Variants in PDE5A observed in about 807,000 individuals in gnomAD.
The protein encoded by PDE5A is phosphodiesterase 5A.
In PDE5A, 67 loss-of-function variants were observed where a neutral mutation model predicts 110.2. That is an observed-to-expected ratio of 0.61 (90% CI 0.50 to 0.75). PDE5A has a LOEUF of 0.75. Ranked by LOEUF, PDE5A falls within the 30% of genes least tolerant of loss-of-function variation. The probability of loss-of-function intolerance (pLI) is 0.00; values close to 1 mark genes in which losing one functional copy is unlikely to be tolerated. For missense variants in PDE5A, 862 were observed against 1,045.1 expected, an observed-to-expected ratio of 0.82 and a Z score of 2.42; for synonymous variants, 328 against 351.2, an observed-to-expected ratio of 0.93 and a Z score of 0.74.
intron 19 of PDE5A, 24 bp downstream of exon 19, chr4:119,502,557 C>T (rs1462565849): frequency 8.7e-6 from 12 of 1,384,894 alleles, no homozygotes; most frequent in African/African-American, 1.4e-5. Flanking sequence ...TGAATAATTC[C>T]TACCAACAAG....
At chr4:119,548,109 C>T (rs1188982666) in intron 9 of PDE5A, 2 of 129,698 alleles carry the variant, frequency 1.5e-5, no homozygotes, top group Non-Finnish European at 3.1e-5. Context: ...ATTGCAGTGG[C>T]ACAATCTTGG....
chr4:119,500,438 G>C (rs534743772), intron 20 of PDE5A, among the ~76,000 whole-genome samples: 1 of 151,980 alleles, frequency 6.6e-6, no homozygotes, highest in Admixed American at 6.5e-5. Context: ...AGTCTGTCTC[G>C]TTGGGAGATG....
intron 12 of PDE5A, among the ~76,000 whole-genome samples, chr4:119,521,888 C>T (rs1726143571): frequency 6.6e-6 from 1 of 151,944 alleles, no homozygotes; most frequent in African/African-American, 2.4e-5. Context: ...TGCCTCTCTT[C>T]AAATCTGAGT....
chr4:119,552,015 A>T (rs1316442263), intron 9 of PDE5A: 1 of 152,140 alleles, frequency 6.6e-6, no homozygotes, highest in Non-Finnish European at 1.5e-5. Flanking sequence ...ATAAAAGGAA[A>T]CATCATTCAA....
intron 3 of PDE5A, among the ~76,000 whole-genome samples, chr4:119,574,992 G>A (rs917285285): frequency 6.6e-6 from 1 of 152,184 alleles, no homozygotes; most frequent in African/African-American, 2.4e-5. Context: ...AGTCCTTAAA[G>A]GACCGGATGG....
intron 14 of PDE5A, among the ~76,000 whole-genome samples, chr4:119,513,759 G>A (rs767365013): frequency 1.3e-5 from 2 of 152,156 alleles, no homozygotes; most frequent in African/African-American, 2.4e-5. Flanking sequence ...GCTGGACTAC[G>A]AAATGCAATT....
chr4:119,540,740 T>C (rs577093463), intron 10 of PDE5A, among the ~76,000 whole-genome samples: 1 of 152,316 alleles, frequency 6.6e-6, no homozygotes, highest in South Asian at 2.1e-4. Flanking sequence ...CATTATTTTA[T>C]TGTTATTAGA....
At chr4:119,499,846 C>T (rs1725231023) in intron 20 of PDE5A, 1 of 152,104 alleles carries the variant, frequency 6.6e-6, no homozygotes. Flanking sequence ...TGTAAGCCAC[C>T]ATGCCCGGCC....
chr4:119,506,304 C>A (rs1460856642), intron 16 of PDE5A, among the ~76,000 whole-genome samples: 1 of 151,724 alleles, frequency 6.6e-6, no homozygotes, highest in East Asian at 1.9e-4. Flanking sequence ...TTCAGTTTAT[C>A]ATTTATTTCA....
At chr4:119,565,544 GA>G in intron 4 of PDE5A, 134 bp from the exon 5 acceptor site, 1 of 642,134 alleles carries the variant, frequency 1.6e-6, no homozygotes, top group Non-Finnish European at 2.8e-6. Flanking sequence ...AAATTAGGAT[GA>G]TATAAACTAA....
intron 2 of PDE5A, among the ~76,000 whole-genome samples, chr4:119,606,129 C>A (rs1729519153): frequency 6.6e-6 from 1 of 152,128 alleles, no homozygotes; most frequent in Non-Finnish European, 1.5e-5. Context: ...GAAGAAATAA[C>A]AAATCTTTCC....
rs1725734420 is a variant in PDE5A at position 119,511,279 on chromosome 4, A to G, written c.2001-145T>C. The G allele has an allele frequency of 3.2e-5, 19 of 586,798 alleles. No homozygotes were observed. In the South Asian group the frequency reaches 3.6e-4, roughly 11 times the overall value. The allele number at this position is 586,798 out of a possible 1,614,324, so 36.3% of individuals were successfully genotyped here. ...CAATTTTCTCTCCTTTTACTGAGAA[A>G]AGTGTGAGATAATCTCTGGGAAACA... is the stretch of plus-strand genomic sequence containing the variant. On this transcript the variant is annotated intron_variant, in intron 14 of 20. Transcript: ENST00000354960.
intron 3 of PDE5A, among the ~76,000 whole-genome samples, chr4:119,588,685 T>G (rs1728860464): frequency 6.6e-6 from 1 of 152,218 alleles, no homozygotes; most frequent in African/African-American, 2.4e-5. Flanking sequence ...ATTTTGTAGT[T>G]GGAATTACAT....
intron 3 of PDE5A, chr4:119,569,656 C>T (rs1315564793): frequency 1.3e-5 from 2 of 152,488 alleles, no homozygotes; most frequent in African/African-American, 2.4e-5. Context: ...AGGACAATTA[C>T]GTACAGAGCA....
chr4:119,525,639 G>T lies in PDE5A; in HGVS notation c.1689C>A (p.Asp563Glu). 6.2e-7 allele frequency: 1 copy of T among 1,613,094 alleles called. No individual in the cohort carries two copies. Among genetic ancestry groups the T allele is most frequent in the Non-Finnish European group, 8.5e-7 (1 of 1,179,432 alleles). Residue 563 changes from aspartate (D) to glutamate (E), a missense_variant, in exon 12 of 21, where the codon GAC (aspartate) becomes GAA (glutamate). By Grantham distance (45) the Asp-to-Glu change is conservative (BLOSUM62 2). Transcript: ENST00000354960. The surrounding 1 kb of genome is among the most constrained non-coding windows in gnomAD (Gnocchi z 4.3). ...TLKITDFSFS[D>E]FELSDLETAL... The stretch of plus-strand genomic sequence containing the variant: ...CTGTTTCCAGATCAGACAGCTCAAA[G>T]TCACTGAAGCTAAAGTCAGTAATTT...
intron 11 of PDE5A, among the ~76,000 whole-genome samples, chr4:119,534,319 GAGAATT>G (rs544535814): frequency 0.48 from 72,170 of 151,840 alleles, 17,498 homozygotes; most frequent in South Asian, 0.64. Flanking sequence ...TAGTGGGAGT[GAGAATT>G]ACTGCCTGAG....
chr4:119,559,209 G>GT (rs1727656645), intron 7 of PDE5A, among the ~76,000 whole-genome samples: 1 of 151,826 alleles, frequency 6.6e-6, no homozygotes, highest in Non-Finnish European at 1.5e-5. Context: ...ACATTTTTGT[G>GT]TTTTTTTAAA....
intron 15 of PDE5A, among the ~76,000 whole-genome samples, chr4:119,508,941 A>G (rs1465305069): frequency 6.6e-6 from 1 of 152,032 alleles, no homozygotes; most frequent in African/African-American, 2.4e-5. Context: ...AATAAGTTAT[A>G]TAGTAACAGG....
chr4:119,515,547 T>C (rs1219973763), intron 14 of PDE5A, among the ~76,000 whole-genome samples: 4 of 152,108 alleles, frequency 2.6e-5, no homozygotes, highest in Admixed American at 2.0e-4. Context: ...ACTGGACTTA[T>C]TGCCAAAACT....
Sources: allele counts gnomAD v4.1 joint callset (sites outside exome capture counted in the v4.1 genomes callset), GRCh38; gene constraint gnomAD v4.1.1; non-coding constraint Gnocchi (gnomAD v3.1); transcripts MANE v1.5; gene names NCBI Gene and HGNC (gene_info 2026-07-23, HGNC 2026-07-21).